Variants in MSI2 observed in about 807,000 individuals in gnomAD.
The protein encoded by MSI2 is musashi RNA binding protein 2.
MSI2 carries 17 observed loss-of-function variants against 45.6 expected under a neutral mutation model. The ratio of observed to expected loss-of-function variants is 0.37; its 90% confidence interval spans 0.26 to 0.56. The LOEUF (loss-of-function observed/expected upper bound fraction) is 0.56, where lower values mean the gene tolerates loss of function less well. Ranked by LOEUF, MSI2 falls within the 20% of genes least tolerant of loss-of-function variation. The pLI, the probability that MSI2 is intolerant of heterozygous loss-of-function variation, is 0.77. For synonymous variants in MSI2, 156 were observed against 158.2 expected, an observed-to-expected ratio of 0.99 and a Z score of 0.11; for missense variants, 293 against 444.2, an observed-to-expected ratio of 0.66 and a Z score of 3.06.
chr17:57,459,902 G>A (rs56883534), intron 6 of MSI2, among the ~76,000 whole-genome samples: 4,878 of 152,104 alleles, frequency 0.032, 141 homozygotes, highest in South Asian at 0.13. Context: ...GCTGAGGCGG[G>A]CAGATCACCT....
intron 6 of MSI2, among the ~76,000 whole-genome samples, chr17:57,479,050 C>T (rs1404421148): frequency 6.6e-6 from 1 of 151,970 alleles, no homozygotes; most frequent in Non-Finnish European, 1.5e-5. Flanking sequence ...ACTGTGTGTG[C>T]CCCAGGGGGA....
chr17:57,503,031 C>T (rs2143882253), intron 6 of MSI2, among the ~76,000 whole-genome samples: 1 of 152,132 alleles, frequency 6.6e-6, no homozygotes, highest in East Asian at 1.9e-4. Context: ...AATCTTGTTC[C>T]TATTACAATG....
chr17:57,261,095 C>T (rs1023676560), intron 4 of MSI2, among the ~76,000 whole-genome samples: 8 of 152,132 alleles, frequency 5.3e-5, no homozygotes, highest in Admixed American at 2.6e-4. Context: ...CAATGAAAAC[C>T]GACAACGGGA....
intron 5 of MSI2, among the ~76,000 whole-genome samples, chr17:57,384,640 T>A (rs2083653866): frequency 6.6e-6 from 1 of 152,124 alleles, no homozygotes; most frequent in Non-Finnish European, 1.5e-5. Flanking sequence ...GGCAAAGCAG[T>A]TTTTCTTCCT....
intron 5 of MSI2, among the ~76,000 whole-genome samples, chr17:57,393,460 G>T (rs965237010): frequency 6.6e-6 from 1 of 152,020 alleles, no homozygotes; most frequent in East Asian, 1.9e-4. Flanking sequence ...TCAGTACCTC[G>T]TTCCTTTTTA....
chr17:57,666,211 A>G (rs1338292992), intron 11 of MSI2, among the ~76,000 whole-genome samples: 1 of 152,216 alleles, frequency 6.6e-6, no homozygotes, highest in Non-Finnish European at 1.5e-5. Flanking sequence ...GCATGATTTA[A>G]AAAGCATGTG....
intron 10 of MSI2, among the ~76,000 whole-genome samples, chr17:57,640,697 C>A (rs564708079): frequency 2.6e-5 from 4 of 152,262 alleles, no homozygotes; most frequent in African/African-American, 9.6e-5. Context: ...GGGATTTTAA[C>A]CACCGTTGTG....
At chr17:57,512,798 C>G (rs907889243) in intron 6 of MSI2, among the ~76,000 whole-genome samples, 5 of 152,152 alleles carry the variant, frequency 3.3e-5, no homozygotes, top group African/African-American at 1.2e-4. Flanking sequence ...AGCCTTGCCA[C>G]TAATTTTAAC....
chr17:57,307,201 A>C (rs1337334688), intron 5 of MSI2, among the ~76,000 whole-genome samples: 1 of 152,192 alleles, frequency 6.6e-6, no homozygotes, highest in Non-Finnish European at 1.5e-5. Flanking sequence ...TGTTTGGTGA[A>C]ACCTTAGTCT....
rs1346517421 is a variant in MSI2 at position 57,594,213 on chromosome 17, C to T, written c.455-2655C>T. 3.3e-5 allele frequency among the ~76,000 whole-genome samples: 5 copies of T among 152,202 alleles called. 1 individual carries two copies. The highest frequency in any genetic ancestry group is 3.8e-4 in the East Asian group (2 of 5,200). On this transcript the variant is annotated intron_variant, in intron 7 of 13. Transcript: ENST00000284073. ...GCTTGAAGGCACGCTGGCCAATTTCCGCGGCCTCCGCAGTGCCACCCCTCC... is the reference window on the plus strand; with the variant it reads ...GCTTGAAGGCACGCTGGCCAATTTCTGCGGCCTCCGCAGTGCCACCCCTCC...
chr17:57,564,444 A>T (rs900816738), intron 7 of MSI2, among the ~76,000 whole-genome samples: 1 of 152,160 alleles, frequency 6.6e-6, no homozygotes, highest in African/African-American at 2.4e-5. Context: ...TCTGGGCCTC[A>T]GTGGGTCCAA....
intron 6 of MSI2, among the ~76,000 whole-genome samples, chr17:57,514,015 A>G (rs1033589243): frequency 1.3e-5 from 2 of 152,212 alleles, no homozygotes; most frequent in African/African-American, 2.4e-5. Flanking sequence ...ATTTATTTTT[A>G]AGTTCCATTG....
Position 57,610,774 on chromosome 17 carries a change from G to T in MSI2, c.538-5196G>T, listed in dbSNP as rs1907167162. ...TGCTGCCCTAGGTGTCCAGGGGCTA[G>T]GTGTCCAGGGGCTAGGTCATTATTC... On this transcript the variant is annotated intron_variant, in intron 8 of 13. Coordinates refer to ENST00000284073, the MANE Select transcript of MSI2 (RefSeq NM_138962.4). Among the ~76,000 whole-genome samples the T allele has an allele frequency of 2.1e-5, 2 of 93,964 alleles. 1 individual carries two copies. The highest frequency in any genetic ancestry group is 6.7e-5 in the African/African-American group (2 of 30,056). The allele number at this position is 93,964 out of a possible 152,430, so 61.6% of individuals were successfully genotyped here.
chr17:57,345,827 A>AAT (rs991583442), intron 5 of MSI2, among the ~76,000 whole-genome samples: 12 of 151,860 alleles, frequency 7.9e-5, no homozygotes, highest in Non-Finnish European at 1.8e-4. Context: ...TCAAAAAAAA[A>AAT]AAAAAAAAAT....
At chr17:57,450,551 TC>T (rs1281240853) in intron 6 of MSI2, among the ~76,000 whole-genome samples, 5 of 151,036 alleles carry the variant, frequency 3.3e-5, no homozygotes, top group African/African-American at 1.2e-4. Flanking sequence ...ATGCCTGTTA[TC>T]CCAATTACTC....
intron 6 of MSI2, among the ~76,000 whole-genome samples, chr17:57,490,791 C>T (rs915734434): frequency 8.5e-5 from 13 of 152,274 alleles, no homozygotes; most frequent in Non-Finnish European, 1.8e-4. Flanking sequence ...GCCTGCTCCT[C>T]ATTTCCCAGC....
rs141330751 is a variant in MSI2 at position 57,551,407 on chromosome 17, C to T, written c.454+21683C>T. On this transcript the variant is annotated intron_variant, in intron 7 of 13. Transcript: ENST00000284073. ...TCGGGGATTGCTGCCGGAGGGAGGG[C>T]GGAGGTCTGTAGGTGGAGAGGTAGG... is the stretch of plus-strand genomic sequence containing the variant. 2.5e-4 allele frequency among the ~76,000 whole-genome samples: 38 copies of T among 152,118 alleles called. No homozygotes were observed. The East Asian group carries it at 7.2e-3, about 29-fold the overall frequency.
chr17:57,349,518 A>G (rs1360637841), intron 5 of MSI2, among the ~76,000 whole-genome samples: 1 of 152,228 alleles, frequency 6.6e-6, no homozygotes, highest in African/African-American at 2.4e-5. Context: ...AAAGCTCTCA[A>G]CATATGTGTA....
chr17:57,632,793 C>T (rs778172847), intron 10 of MSI2: 26 of 1,065,568 alleles, frequency 2.4e-5, no homozygotes, highest in South Asian at 1.8e-4. Flanking sequence ...GTGACCCGCA[C>T]GCTTCCATTT....
Sources: gnomAD v4.1 joint callset for allele counts (sites outside exome capture counted in the v4.1 genomes callset) on GRCh38, gnomAD v4.1.1 for gene constraint, MANE v1.5 for transcripts, NCBI Gene and HGNC (gene_info 2026-07-23, HGNC 2026-07-21) for gene names.